AFF3: variants seen among roughly 807,000 people sequenced by gnomAD.
The protein encoded by AFF3 is AF4/FMR2 family member 3.
Under a neutral mutation model 129.7 loss-of-function variants are expected in AFF3, and 32 were observed. The ratio of observed to expected loss-of-function variants is 0.25; its 90% CI spans 0.19 to 0.33. The LOEUF (loss-of-function observed/expected upper bound fraction) is 0.33. Ranked by LOEUF, AFF3 falls within the 10% of genes least tolerant of loss-of-function variation. The pLI, the probability that AFF3 is intolerant of heterozygous loss-of-function variation, is 1.00. For missense variants in AFF3, 1,373 were observed against 1,592.0 expected (o/e 0.86, Z 2.34); for synonymous variants, 644 against 635.4 (o/e 1.01, Z -0.20).
At chr2:100,080,372 A>C (rs1688951087) in intron 4 of AFF3, among the ~76,000 whole-genome samples, 1 of 152,252 alleles carries the variant, frequency 6.6e-6, no homozygotes. Context: ...AAACGTTAAT[A>C]TAGTTCATCT....
chr2:99,927,561 A>G (rs569097379), intron 7 of AFF3, among the ~76,000 whole-genome samples: 18 of 152,192 alleles, frequency 1.2e-4, no homozygotes, highest in African/African-American at 4.1e-4. Context: ...GAAACAACAC[A>G]CACTGGGGCC....
chr2:99,923,213 A>G (rs950572665), intron 7 of AFF3, among the ~76,000 whole-genome samples: 1 of 152,192 alleles, frequency 6.6e-6, no homozygotes, highest in Non-Finnish European at 1.5e-5. Context: ...AAGACAAGGC[A>G]GAATTGGGGT....
intron 7 of AFF3, among the ~76,000 whole-genome samples, chr2:99,861,931 G>C (rs1468280899): frequency 6.6e-6 from 1 of 151,868 alleles, no homozygotes; most frequent in Admixed American, 6.6e-5. Flanking sequence ...TTCTCTTATG[G>C]CCTATTTTCT....
At chr2:99,552,008 C>T (rs1199303225) in intron 24 of AFF3, among the ~76,000 whole-genome samples, 1 of 152,142 alleles carries the variant, frequency 6.6e-6, no homozygotes, top group Non-Finnish European at 1.5e-5. Context: ...TTCCTGGGGG[C>T]AAATCAGAGA....
chr2:99,860,263 A>C (rs1690874473), intron 7 of AFF3, among the ~76,000 whole-genome samples: 1 of 151,992 alleles, frequency 6.6e-6, no homozygotes, highest in Admixed American at 6.5e-5. Context: ...CTAAAAATAC[A>C]AAAATTAGCA....
chr2:99,820,943 G>A (rs759658135), intron 8 of AFF3, among the ~76,000 whole-genome samples: 34 of 144,754 alleles, frequency 2.3e-4, no homozygotes, highest in Middle Eastern at 3.9e-3. Context: ...CGCAATCTTG[G>A]CTCACTGCAA....
intron 9 of AFF3, among the ~76,000 whole-genome samples, chr2:99,749,658 G>A (rs1681465343): frequency 6.6e-6 from 1 of 152,160 alleles, no homozygotes; most frequent in Non-Finnish European, 1.5e-5. Flanking sequence ...CTCAATGGAA[G>A]GGCTAGAAGC....
chr2:100,088,518 A>G (rs892283797), intron 4 of AFF3, among the ~76,000 whole-genome samples: 4 of 150,418 alleles, frequency 2.7e-5, no homozygotes, highest in African/African-American at 9.8e-5. Flanking sequence ...GTTAAAAGAA[A>G]CATTTCCTGG....
chr2:99,638,441 G>T (rs1005050926), intron 13 of AFF3, among the ~76,000 whole-genome samples: 1 of 150,722 alleles, frequency 6.6e-6, no homozygotes, highest in South Asian at 2.1e-4. Flanking sequence ...GAGGCTGGGG[G>T]ACTCCGGTGG....
chr2:100,130,176 T>C (rs754199474), intron 1 of AFF3, among the ~76,000 whole-genome samples: 10 of 152,164 alleles, frequency 6.6e-5, no homozygotes, highest in Non-Finnish European at 1.0e-4. Context: ...CAAACTCAGG[T>C]AGGATGCGTG....
At chr2:99,993,939 G>A (rs1391112101) in intron 7 of AFF3, among the ~76,000 whole-genome samples, 1 of 150,670 alleles carries the variant, frequency 6.6e-6, no homozygotes, top group East Asian at 2.0e-4. Flanking sequence ...CTGAGCAGTG[G>A]GGATTACAGG....
chr2:99,680,160 A>T (rs1475885715), intron 11 of AFF3, among the ~76,000 whole-genome samples: 2 of 152,238 alleles, frequency 1.3e-5, no homozygotes, highest in Non-Finnish European at 2.9e-5. Flanking sequence ...CAAATATATT[A>T]GACTTTAAAA....
intron 4 of AFF3, among the ~76,000 whole-genome samples, chr2:100,096,140 T>C (rs1282748302): frequency 7.3e-5 from 11 of 151,590 alleles, no homozygotes; most frequent in African/African-American, 2.7e-4. Context: ...ATGGGGACAT[T>C]TGGTCTGAAT....
intron 7 of AFF3, among the ~76,000 whole-genome samples, chr2:99,954,284 T>G (rs930855435): frequency 3.3e-5 from 5 of 152,196 alleles, no homozygotes; most frequent in African/African-American, 1.2e-4. Flanking sequence ...AGGCATTGTT[T>G]GGGTTTTTCT....
chr2:99,997,942 C>A (rs1333775960), intron 7 of AFF3, among the ~76,000 whole-genome samples: 2 of 152,054 alleles, frequency 1.3e-5, no homozygotes, highest in African/African-American at 2.4e-5. Context: ...CCAGCTCCCA[C>A]CCTCCACCCC....
intron 8 of AFF3, among the ~76,000 whole-genome samples, chr2:99,831,043 G>A (rs1010126829): frequency 2.0e-5 from 3 of 152,314 alleles, no homozygotes; most frequent in Admixed American, 2.0e-4. Context: ...AGACATGCCA[G>A]TGAACCTAAA....
chr2:100,091,028 A>G (rs1689813388), intron 4 of AFF3, among the ~76,000 whole-genome samples: 1 of 151,992 alleles, frequency 6.6e-6, no homozygotes, highest in South Asian at 2.1e-4. Context: ...GGACCTCAGT[A>G]CTCATGCCCT....
chr2:99,827,194 C>T (rs1454939654), intron 8 of AFF3, among the ~76,000 whole-genome samples: 1 of 152,156 alleles, frequency 6.6e-6, no homozygotes, highest in Non-Finnish European at 1.5e-5. Flanking sequence ...TTGAGACACA[C>T]TTGAGACCCA....
chr2:99,836,398 T>G (rs921173742), intron 8 of AFF3, among the ~76,000 whole-genome samples: 5 of 152,216 alleles, frequency 3.3e-5, no homozygotes, highest in African/African-American at 1.2e-4. Context: ...TACTATGTAT[T>G]TTATTTAACA....
Sources: allele counts gnomAD v4.1 joint callset (sites outside exome capture counted in the v4.1 genomes callset), GRCh38; gene constraint gnomAD v4.1.1; transcripts MANE v1.5; gene names NCBI Gene and HGNC (gene_info 2026-07-23, HGNC 2026-07-21).